MYCBP2: variants seen among roughly 807,000 people sequenced by gnomAD.
MYCBP2 encodes the protein MYC binding protein 2, also known as E3 ubiquitin-protein ligase MYCBP2.
Under a neutral mutation model 525.3 loss-of-function variants are expected in MYCBP2, and 120 were observed. The ratio of observed to expected loss-of-function variants is 0.23; its 90% CI spans 0.20 to 0.27. MYCBP2 has a LOEUF of 0.27. MYCBP2 is among the 10% of genes least tolerant of loss of function. The probability of loss-of-function intolerance (pLI) is 1.00; values close to 1 mark genes in which losing one functional copy is unlikely to be tolerated. For synonymous variants in MYCBP2, 1,894 were observed against 1,955.8 expected (o/e 0.97, Z 0.83); for missense variants, 4,149 against 5,657.1 (o/e 0.73, Z 8.55).
rs1594513856 is a variant in MYCBP2, at chr13:77,269,909, A to G, written c.1260+83T>C. The G allele has an allele frequency of 3.0e-6, 3 of 988,914 alleles. No individual in the cohort carries two copies. The East Asian group carries it at 7.2e-5, about 24-fold the overall frequency. The allele number at this position is 988,914 out of a possible 1,614,324, so 61.3% of individuals were successfully genotyped here. A position where few individuals can be genotyped will look rare whatever the true frequency, so the allele number is the denominator to read the frequency against. Reference sequence around the variant, plus strand: ...TATATTATCATTTCTGTTTAAATAGAAGTGATATTACTGATTAAACAAGGA... The same window carrying G: ...TATATTATCATTTCTGTTTAAATAGGAGTGATATTACTGATTAAACAAGGA... On this transcript the variant is annotated intron_variant, in intron 7 of 82. Coordinates refer to ENST00000544440, the MANE Select transcript of MYCBP2 (RefSeq NM_015057.5).
At chr13:77,308,856 A>C (rs2079790334) in intron 1 of MYCBP2, among the ~76,000 whole-genome samples, 1 of 152,248 alleles carries the variant, frequency 6.6e-6, no homozygotes, top group Non-Finnish European at 1.5e-5. Context: ...TCCTAAATGC[A>C]GGTGAGACAA....
chr13:77,177,334 CTTT>C (rs748460042), intron 35 of MYCBP2, among the ~76,000 whole-genome samples: 4 of 122,884 alleles, frequency 3.3e-5, no homozygotes, highest in Admixed American at 8.2e-5. Context: ...TCTTTTCTTT[CTTT>C]TTTTTTTTTT....
intron 5 of MYCBP2, chr13:77,272,352 C>T (rs2075010933): frequency 6.6e-6 from 1 of 152,182 alleles, no homozygotes; most frequent in African/African-American, 2.4e-5. Context: ...TTTCCATGAA[C>T]GTAGTTCTTA....
At chr13:77,056,548 C>A (rs1431096931) in intron 79 of MYCBP2, among the ~76,000 whole-genome samples, 1 of 152,170 alleles carries the variant, frequency 6.6e-6, no homozygotes, top group African/African-American at 2.4e-5. Flanking sequence ...GAACTTTCTC[C>A]TTGTTTTAAC....
chr13:77,128,622 T>G (rs2052137689), intron 52 of MYCBP2, among the ~76,000 whole-genome samples: 1 of 151,836 alleles, frequency 6.6e-6, no homozygotes, highest in South Asian at 2.1e-4. Flanking sequence ...ATTCTTGTGC[T>G]AAACAGTATA....
In MYCBP2 at chr13:77,103,075, A is replaced by G. The variant is rs143369248; in HGVS notation, c.8141-4062T>C. 2.1e-3 allele frequency: 802 copies of G among 389,002 alleles called. 15 individuals are homozygous for G. The East Asian group carries it at 0.029, about 14-fold the overall frequency. 24.1% of individuals were successfully genotyped at this position (389,002 alleles called of 1,614,324 possible). ...ATCATAAATTACTCAAACATATATA[A>G]ATGTAAATAAAATGATAAACTTTAA... On this transcript the variant is annotated intron_variant, in intron 55 of 82. Transcript: ENST00000544440.
At chr13:77,230,094 T>C (rs2066918116) in intron 18 of MYCBP2, among the ~76,000 whole-genome samples, 1 of 152,232 alleles carries the variant, frequency 6.6e-6, no homozygotes, top group South Asian at 2.1e-4. Flanking sequence ...ATTCAGTCTA[T>C]ATACTCTGCT....
At chr13:77,134,762 C>T (rs2053478880) in intron 52 of MYCBP2, among the ~76,000 whole-genome samples, 1 of 152,062 alleles carries the variant, frequency 6.6e-6, no homozygotes, top group Admixed American at 6.6e-5. Context: ...TGTCTCTCAA[C>T]TAGAGCATTA....
intron 63 of MYCBP2, among the ~76,000 whole-genome samples, chr13:77,082,433 A>G (rs2043457863): frequency 6.6e-6 from 1 of 152,206 alleles, no homozygotes; most frequent in Admixed American, 6.5e-5. Context: ...TGGTCTTATC[A>G]TTAGTAACAT....
At chr13:77,190,096 C>T (rs1409976623) in intron 29 of MYCBP2, among the ~76,000 whole-genome samples, 156 bp downstream of exon 29, 1 of 152,060 alleles carries the variant, frequency 6.6e-6, no homozygotes. Context: ...AAAATATTAA[C>T]TGTTTTTGTT....
intron 55 of MYCBP2, among the ~76,000 whole-genome samples, chr13:77,106,957 T>C (rs916040841): frequency 6.6e-6 from 1 of 152,180 alleles, no homozygotes; most frequent in African/African-American, 2.4e-5. Flanking sequence ...TATAAATAAG[T>C]CTTGTGACAA....
intron 9 of MYCBP2, 61 bp downstream of exon 9, chr13:77,263,868 T>A: frequency 6.2e-7 from 1 of 1,606,894 alleles, no homozygotes; most frequent in South Asian, 1.1e-5. Flanking sequence ...TAATAAAAGC[T>A]AAATAATTTA....
intron 55 of MYCBP2, among the ~76,000 whole-genome samples, chr13:77,120,865 A>G (rs1359231903): frequency 6.6e-6 from 1 of 152,216 alleles, no homozygotes; most frequent in Non-Finnish European, 1.5e-5. Flanking sequence ...TATTAAAACC[A>G]AACAGATCAT....
intron 55 of MYCBP2, chr13:77,110,096 C>T (rs2048543454): frequency 6.6e-6 from 1 of 152,158 alleles, no homozygotes; most frequent in African/African-American, 2.4e-5. Context: ...GGGAAGACAA[C>T]CATAAGGTCT....
chr13:77,296,463 A>C, intron 2 of MYCBP2, 136 bp downstream of exon 2: 1 of 940,216 alleles, frequency 1.1e-6, no homozygotes, highest in Non-Finnish European at 1.5e-6. Context: ...AGAGGAACCA[A>C]ATCATAAAGG....
chr13:77,063,964 T>G (rs383659), intron 73 of MYCBP2, among the ~76,000 whole-genome samples: 10,201 of 152,272 alleles, frequency 0.067, 571 homozygotes, highest in East Asian at 0.17. Context: ...AGGATTAACC[T>G]AAGCAATTTT....
intron 17 of MYCBP2, among the ~76,000 whole-genome samples, chr13:77,236,628 G>A (rs183939236): frequency 2.4e-3 from 367 of 152,116 alleles, no homozygotes; most frequent in African/African-American, 8.4e-3. Context: ...GGAATAATAC[G>A]CAGCCATTAA....
chr13:77,077,127 A>G (rs2042459176), intron 67 of MYCBP2, 21 bp downstream of exon 67: 2 of 1,609,290 alleles, frequency 1.2e-6, no homozygotes, highest in African/African-American at 1.3e-5. Flanking sequence ...CTGTGCTAGA[A>G]TATGTTGTAA....
chr13:77,058,378 G>A lies in MYCBP2; in HGVS notation c.13169C>T (p.Thr4390Met), dbSNP rs375951566. Residue 4390 changes from threonine (T) to methionine (M), a missense_variant, in exon 78 of 83, where the codon ACG (threonine) becomes ATG (methionine). Around this residue, in one of 21 missense-constraint regions of MYCBP2, gnomAD observed 220 missense variants for 396.0 expected, o/e 0.56. Transcript: ENST00000544440. This position sits in a 1 kb window ranked among gnomAD's most constrained non-coding sequence, Gnocchi z 4.1. ...CCCGCATGGATGGCCACAAGGATGC[G>A]TCTTACTACAGGCTATCTTAGCGTA... is the stretch of plus-strand genomic sequence containing the variant. Reference protein sequence around the residue: ...QEYAKIACSKTHPCGHPCGGV... With the variant: ...QEYAKIACSKMHPCGHPCGGV... The A allele has an allele frequency of 2.5e-5, 41 of 1,613,070 alleles. No individual in the cohort carries two copies. The highest frequency in any genetic ancestry group is 2.5e-4 in the Admixed American group (15 of 59,898).
Sources: allele counts gnomAD v4.1 joint callset (sites outside exome capture counted in the v4.1 genomes callset), GRCh38; gene constraint gnomAD v4.1.1; regional missense constraint gnomAD v4.1.1; non-coding constraint Gnocchi (gnomAD v3.1); transcripts MANE v1.5; gene names NCBI Gene and HGNC (gene_info 2026-07-23, HGNC 2026-07-21).